The following CDC42BPA variants were observed in gnomAD, a reference collection of about 807,000 sequenced individuals.
CDC42BPA encodes serine/threonine-protein kinase MRCK alpha.
Under a neutral mutation model 223.5 loss-of-function variants are expected in CDC42BPA, and 80 were observed. The ratio of observed to expected loss-of-function variants is 0.36; its 90% confidence interval spans 0.30 to 0.43. CDC42BPA has a LOEUF of 0.43. Among genes scored for constraint, CDC42BPA ranks in the 20% least tolerant of loss-of-function variants. The pLI is 1.00. For missense variants in CDC42BPA, 1,743 were observed against 2,099.9 expected (o/e 0.83, Z 3.32); for synonymous variants, 694 against 718.6 (o/e 0.97, Z 0.55).
At chr1:227,024,997 C>G (rs918817692) in intron 31 of CDC42BPA, among the ~76,000 whole-genome samples, 6 of 152,176 alleles carry the variant, frequency 3.9e-5, no homozygotes, top group African/African-American at 1.4e-4. Flanking sequence ...AATTCCAGCA[C>G]CGTGGGAGGC....
intron 1 of CDC42BPA, among the ~76,000 whole-genome samples, chr1:227,267,981 C>CACCT (rs1476212072): frequency 6.6e-6 from 1 of 152,178 alleles, no homozygotes; most frequent in African/African-American, 2.4e-5. Flanking sequence ...ATTTATTGTA[C>CACCT]ACCTACCATG....
chr1:227,279,831 C>A (rs10916112), intron 1 of CDC42BPA, among the ~76,000 whole-genome samples: 17,600 of 152,060 alleles, frequency 0.12, 1,235 homozygotes, highest in South Asian at 0.19. Flanking sequence ...CCAAGGTGGG[C>A]AGATCACTTG....
rs750761215 is a variant in CDC42BPA at position 227,261,262 on chromosome 1, C to T, written c.179-7107G>A. Among the ~76,000 whole-genome samples the T allele has an allele frequency of 4.7e-5, 7 of 150,152 alleles. 1 individual carries two copies. Among genetic ancestry groups the T allele is most frequent in the African/African-American group, 1.0e-4 (4 of 39,744 alleles). On this transcript the variant is annotated intron_variant, in intron 1 of 36. Transcript: ENST00000366766. Reference sequence around the variant, plus strand: ...TCTTAAGTAGCTGTAATTACAGGTGCGTGCCACCATGCCCAGCTAATTTTT... The same window carrying T: ...TCTTAAGTAGCTGTAATTACAGGTGTGTGCCACCATGCCCAGCTAATTTTT...
intron 35 of CDC42BPA, 196 bp downstream of exon 35, chr1:227,004,795 TAGA>T: frequency 1.4e-6 from 1 of 697,204 alleles, no homozygotes; most frequent in Non-Finnish European, 2.7e-6. Context: ...CTGTACACTC[TAGA>T]AGGACTCTGG....
intron 12 of CDC42BPA, 33 bp from the exon 13 acceptor site, chr1:227,112,946 A>G: frequency 6.2e-7 from 1 of 1,603,634 alleles, no homozygotes; most frequent in Non-Finnish European, 8.5e-7. Context: ...TAAGTTACCA[A>G]TTCTGCAACC....
At chr1:227,109,494 T>C (rs1284034038) in intron 14 of CDC42BPA, among the ~76,000 whole-genome samples, 1 of 151,926 alleles carries the variant, frequency 6.6e-6, no homozygotes, top group Non-Finnish European at 1.5e-5. Context: ...GCCACCAGAG[T>C]AGCTGGGATT....
intron 2 of CDC42BPA, among the ~76,000 whole-genome samples, chr1:227,250,491 A>G (rs1487343854): frequency 6.6e-6 from 1 of 152,096 alleles, no homozygotes; most frequent in East Asian, 1.9e-4. Context: ...TCCATCTCAA[A>G]TAAAAAAATA....
intron 11 of CDC42BPA, among the ~76,000 whole-genome samples, chr1:227,123,953 G>A (rs1023762645): frequency 2.0e-5 from 3 of 151,884 alleles, no homozygotes; most frequent in African/African-American, 7.3e-5. Flanking sequence ...AGTCTCAGAA[G>A]TACATTATAG....
chr1:227,182,286 C>A (rs546961441), intron 5 of CDC42BPA, among the ~76,000 whole-genome samples: 1 of 152,260 alleles, frequency 6.6e-6, no homozygotes, highest in South Asian at 2.1e-4. Flanking sequence ...ATTACAGATC[C>A]CAGCCTTATA....
At chr1:227,084,092 ACTT>A (rs34912508) in intron 16 of CDC42BPA, among the ~76,000 whole-genome samples, 19,609 of 152,052 alleles carry the variant, frequency 0.13, 1,324 homozygotes, top group East Asian at 0.26. Context: ...CACTCCAATG[ACTT>A]CTTACAGATG....
chr1:227,198,883 GACT>G (rs1435819833), intron 4 of CDC42BPA, among the ~76,000 whole-genome samples: 1 of 152,036 alleles, frequency 6.6e-6, no homozygotes, highest in Non-Finnish European at 1.5e-5. Flanking sequence ...GAGTAGCTGG[GACT>G]ACAGGTGCCC....
chr1:227,058,821 A>G (rs532983199), intron 21 of CDC42BPA, among the ~76,000 whole-genome samples: 9 of 152,238 alleles, frequency 5.9e-5, no homozygotes, highest in African/African-American at 2.2e-4. Context: ...TTTATTATTA[A>G]CATTATTTCC....
chr1:227,222,203 A>C (rs1353421797), intron 2 of CDC42BPA, among the ~76,000 whole-genome samples: 1 of 144,196 alleles, frequency 6.9e-6, no homozygotes, highest in African/African-American at 2.6e-5. Flanking sequence ...GGGTGACAGA[A>C]TGAGACCTTG....
intron 2 of CDC42BPA, among the ~76,000 whole-genome samples, chr1:227,243,833 G>A (rs1025178337): frequency 6.6e-6 from 1 of 151,352 alleles, no homozygotes; most frequent in African/African-American, 2.4e-5. Flanking sequence ...TCTAGAATAT[G>A]ACGATAAGTC....
chr1:227,192,835 A>G lies in CDC42BPA; in HGVS notation c.599+951T>C, dbSNP rs532456395. Among the ~76,000 whole-genome samples the G allele has an allele frequency of 2.2e-4, 34 of 152,262 alleles. No individual in the cohort carries two copies. In the Middle Eastern group the frequency reaches 0.01, roughly 46 times the overall value. On this transcript the variant is annotated intron_variant, in intron 5 of 36. Transcript: ENST00000366766. ...AAAAAAATCTCTTTTGACACATACA[A>G]TCCTTGAAAGTATTTTCTTGAGAAA...
intron 16 of CDC42BPA, among the ~76,000 whole-genome samples, chr1:227,081,967 A>G (rs1680757876): frequency 6.6e-6 from 1 of 152,196 alleles, no homozygotes; most frequent in Admixed American, 6.5e-5. Flanking sequence ...ACTTCAACAT[A>G]TCACAAAACT....
chr1:227,074,692 G>A (rs900069499), intron 17 of CDC42BPA, among the ~76,000 whole-genome samples: 2 of 152,088 alleles, frequency 1.3e-5, no homozygotes, highest in Non-Finnish European at 2.9e-5. Flanking sequence ...AATGTGTGAG[G>A]TTTTCTAAAT....
chr1:227,286,079 T>G (rs1396511986), intron 1 of CDC42BPA, among the ~76,000 whole-genome samples: 3 of 152,168 alleles, frequency 2.0e-5, no homozygotes, highest in African/African-American at 7.2e-5. Flanking sequence ...ACCTACCTTT[T>G]CATCATGCTA....
At chr1:227,183,937 T>C (rs945146148) in intron 5 of CDC42BPA, among the ~76,000 whole-genome samples, 24 of 152,218 alleles carry the variant, frequency 1.6e-4, no homozygotes, top group Non-Finnish European at 3.5e-4. Context: ...GGCATTTTCG[T>C]AAAATTCAAT....
Sources: allele counts gnomAD v4.1 joint callset (sites outside exome capture counted in the v4.1 genomes callset), GRCh38; gene constraint gnomAD v4.1.1; transcripts MANE v1.5; gene names NCBI Gene and HGNC (gene_info 2026-07-23, HGNC 2026-07-21).